The following SATL1 variants were observed in gnomAD, a reference collection of about 807,000 sequenced individuals.
The protein encoded by SATL1 is spermidine/spermine N1-acetyl transferase like 1, also known as spermidine/spermine N(1)-acetyltransferase-like protein 1.
SATL1 carries 47 observed loss-of-function variants against 51.8 expected under a neutral mutation model. The ratio of observed to expected loss-of-function variants is 0.91; its 90% CI spans 0.72 to 1.16. The LOEUF is 1.16. Ranked by LOEUF, SATL1 falls within the 50% of genes most tolerant of loss-of-function variation. The probability of loss-of-function intolerance (pLI) is 0.00; values close to 1 mark genes in which losing one functional copy is unlikely to be tolerated. For missense variants in SATL1, 520 were observed against 526.4 expected (o/e 0.99, Z 0.12); for synonymous variants, 176 against 182.4 (o/e 0.97, Z 0.28).
chrX:85,179,059 C>A (rs930590258), intron 2 of SATL1, among the ~76,000 whole-genome samples: 6 of 111,595 alleles, frequency 5.4e-5, no homozygotes, highest in African/African-American at 1.9e-4. Flanking sequence ...AGGATGTTAC[C>A]CACTAGGCAC....
intron 2 of SATL1, among the ~76,000 whole-genome samples, chrX:85,150,256 A>C (rs1278606057): frequency 3.6e-5 from 4 of 111,832 alleles, no homozygotes; most frequent in Non-Finnish European, 7.5e-5. Context: ...TCTCCCAAGA[A>C]TAAACCAGGA....
At chrX:85,149,905 C>T (rs1363068686) in intron 2 of SATL1, among the ~76,000 whole-genome samples, 10 of 110,062 alleles carry the variant, frequency 9.1e-5, no homozygotes, top group African/African-American at 3.3e-4. Context: ...ATTAAAAGAA[C>T]TAGAAAAGCA....
At chrX:85,189,078 T>C (rs1221154302) in intron 2 of SATL1, among the ~76,000 whole-genome samples, 2 of 112,728 alleles carry the variant, frequency 1.8e-5, no homozygotes, top group African/African-American at 6.4e-5. Flanking sequence ...AATTCTTTCA[T>C]GCTGCAGATT....
At chrX:85,160,757 C>T (rs753217384) in intron 2 of SATL1, among the ~76,000 whole-genome samples, 45 of 111,256 alleles carry the variant, frequency 4.0e-4, no homozygotes, top group African/African-American at 1.3e-3. Flanking sequence ...AAACATATTT[C>T]GGGTTGTCAT....
At chrX:85,206,055 A>G (rs1464046092) in intron 2 of SATL1, among the ~76,000 whole-genome samples, 1 of 111,934 alleles carries the variant, frequency 8.9e-6, no homozygotes, top group African/African-American at 3.2e-5. Flanking sequence ...TGGGAGGCAG[A>G]GCAGGTTTGA....
chrX:85,123,183 T>A lies in SATL1; in HGVS notation c.-312-13903A>T, dbSNP rs755447596. On this transcript the variant is annotated intron_variant, in intron 2 of 7. Transcript: ENST00000644105. ...TATTATTTTTTGGGTATATACCCAATAATGGGATTGCTGGATCAAATAGAA... is the reference window on the plus strand; with the variant it reads ...TATTATTTTTTGGGTATATACCCAAAAATGGGATTGCTGGATCAAATAGAA... Among the ~76,000 whole-genome samples the A allele has an allele frequency of 2.7e-5, 3 of 111,743 alleles. No individual in the cohort carries two copies. In the South Asian group the frequency reaches 1.1e-3, roughly 42 times the overall value.
chrX:85,143,994 C>A (rs771191759), intron 2 of SATL1, among the ~76,000 whole-genome samples: 38 of 112,058 alleles, frequency 3.4e-4, no homozygotes, highest in African/African-American at 1.2e-3. Flanking sequence ...GTGGTATAAT[C>A]ATACCTGTCT....
rs1925141533 is a variant in SATL1 at position 85,108,271 on chromosome X, G to A, written c.698C>T (p.Thr233Ile). Residue 233 changes from threonine to isoleucine, a missense_variant, in exon 3 of 8, where the codon ACT becomes ATT. This residue lies in a region of SATL1 where 488 missense variants were observed against 474.3 expected (regional missense o/e 1.03). Transcript: ENST00000644105. ...PSQPGIRQPD[T>I]SQSCKNQTDM... ...TGTTTGGTTCTTACATGATTGGCTA[G>A]TGTCTGGTTGCCTTATGCCTGGTTG... is the stretch of plus-strand genomic sequence containing the variant. 1 of 1,209,411 alleles carries A rather than the reference G, an allele frequency of 8.3e-7. No individual in the cohort carries two copies. Among genetic ancestry groups the A allele is most frequent in the Admixed American group, 2.2e-5 (1 of 45,726 alleles).
Position 85,094,209 on chromosome X carries a change from C to A in SATL1, c.1795G>T (p.Ala599Ser). 8.5e-7 allele frequency: 1 copy of A among 1,172,813 alleles called. No homozygotes were observed. The change falls in exon 6 of 8, where the codon GCC becomes TCC. Residue 599 changes from alanine to serine, a missense_variant. Physicochemically the swap from Ala to Ser is moderately conservative, Grantham distance 99 (BLOSUM62 1). Around this residue, in one of 3 missense-constraint regions of SATL1, gnomAD observed 488 missense variants for 474.3 expected, o/e 1.03. Transcript: ENST00000644105. ...KPSGKLTVGF[A>S]MYYFTYDSWT... ...GAGTCGTATGTAAAGTAGTACATGG[C>A]AAATCCAACAGTCAGTTTGCCTAGG... is the stretch of plus-strand genomic sequence containing the variant.
intron 4 of SATL1, among the ~76,000 whole-genome samples, chrX:85,100,972 A>G (rs1178205453): frequency 8.9e-6 from 1 of 112,103 alleles, no homozygotes; most frequent in Non-Finnish European, 1.9e-5. Context: ...TTCAACAAAC[A>G]GTACTAGGGA....
intron 2 of SATL1, among the ~76,000 whole-genome samples, chrX:85,151,049 T>A (rs1290816493): frequency 1.8e-5 from 2 of 109,893 alleles, no homozygotes; most frequent in African/African-American, 6.6e-5. Flanking sequence ...GATGACATGA[T>A]TGTATATCTA....
chrX:85,194,914 C>T (rs1927521723), intron 2 of SATL1, among the ~76,000 whole-genome samples: 1 of 109,489 alleles, frequency 9.1e-6, no homozygotes, highest in East Asian at 2.9e-4. Context: ...AGGAGAAATA[C>T]CTAATGTAGT....
At chrX:85,213,744 G>A (rs765903562) in intron 2 of SATL1, among the ~76,000 whole-genome samples, 2 of 111,372 alleles carry the variant, frequency 1.8e-5, no homozygotes, top group Non-Finnish European at 3.8e-5. Flanking sequence ...TTTTTCTAAT[G>A]TACTTAGCAT....
At chrX:85,147,965 T>G (rs1454173987) in intron 2 of SATL1, among the ~76,000 whole-genome samples, 1 of 111,690 alleles carries the variant, frequency 9.0e-6, no homozygotes. Context: ...TGGAACAGAG[T>G]TGGACGGAGA....
chrX:85,107,152 T>C (rs925876244), intron 3 of SATL1, among the ~76,000 whole-genome samples, 176 bp downstream of exon 3: 15 of 111,841 alleles, frequency 1.3e-4, no homozygotes, highest in Non-Finnish European at 2.3e-4. Context: ...TTGAGATATA[T>C]ATTGTTATAA....
chrX:85,121,505 A>G (rs1379475188), intron 2 of SATL1, among the ~76,000 whole-genome samples: 2 of 104,371 alleles, frequency 1.9e-5, no homozygotes, highest in Non-Finnish European at 3.9e-5. Context: ...TATATAGTAT[A>G]TATACTAACA....
At chrX:85,160,778 G>A (rs761134846) in intron 2 of SATL1, among the ~76,000 whole-genome samples, 1 of 111,501 alleles carries the variant, frequency 9.0e-6, no homozygotes, top group African/African-American at 3.3e-5. Context: ...ACATGAGAAC[G>A]TCCTCAACCT....
At chrX:85,208,692 A>G (rs891865428) in intron 2 of SATL1, 1 of 112,272 alleles carries the variant, frequency 8.9e-6, no homozygotes, top group Non-Finnish European at 1.9e-5. Flanking sequence ...GGCTGCATAG[A>G]TGTCTTCTTT....
chrX:85,228,796 G>C (rs1334872845), intron 1 of SATL1, among the ~76,000 whole-genome samples: 1 of 111,244 alleles, frequency 9.0e-6, no homozygotes, highest in African/African-American at 3.3e-5. Flanking sequence ...TCATTTTTAT[G>C]ATTTCTAACA....
Sources: gnomAD v4.1 joint callset for allele counts (sites outside exome capture counted in the v4.1 genomes callset) on GRCh38, gnomAD v4.1.1 for gene constraint, gnomAD v4.1.1 regional missense constraint, MANE v1.5 for transcripts, NCBI Gene and HGNC (gene_info 2026-07-23, HGNC 2026-07-21) for gene names.